POLM: variants seen among roughly 807,000 people sequenced by gnomAD.
POLM encodes the protein DNA-directed DNA/RNA polymerase mu.
Under a neutral mutation model 56.7 loss-of-function variants are expected in POLM, and 52 were observed. The ratio of observed to expected loss-of-function variants is 0.92; its 90% CI spans 0.73 to 1.15. POLM has a LOEUF of 1.15. Ranked by LOEUF, POLM falls within the 50% of genes most tolerant of loss-of-function variation. The probability of loss-of-function intolerance (pLI) is 0.00; values close to 1 mark genes in which losing one functional copy is unlikely to be tolerated. For missense variants in POLM, 660 were observed against 663.6 expected, an observed-to-expected ratio of 0.99 and a Z score of 0.06; for synonymous variants, 273 against 274.3, an observed-to-expected ratio of 1.00 and a Z score of 0.05.
intron 5 of POLM, 147 bp from the exon 6 acceptor site, chr7:44,076,776 A>C: frequency 1.0e-6 from 1 of 1,001,322 alleles, no homozygotes; most frequent in Non-Finnish European, 1.5e-6. Flanking sequence ...CCACAGGGCA[A>C]GGATTCAAAC....
Position 44,082,440 on chromosome 7 carries a change from G to A in POLM, c.-2C>T, listed in dbSNP as rs753796053. The A allele has an allele frequency of 1.2e-4, 173 of 1,404,068 alleles. No individual in the cohort carries two copies. Among genetic ancestry groups the A allele is most frequent in the Non-Finnish European group, 1.5e-4 (162 of 1,082,044 alleles). 87.0% of individuals were successfully genotyped at this position (1,404,068 alleles called of 1,614,324 possible). A position where few individuals can be genotyped will look rare whatever the true frequency, so the allele number is the denominator to read the frequency against. Reference sequence around the variant, plus strand: ...CGCTCGCCGCCGTTTGGGGAGCATTGGGACGACAGCCTCCAGCAGCGCGGA... The same window carrying A: ...CGCTCGCCGCCGTTTGGGGAGCATTAGGACGACAGCCTCCAGCAGCGCGGA... On this transcript the variant is annotated 5_prime_UTR_variant, in exon 1 of 11. Coordinates refer to ENST00000242248, the MANE Select transcript of POLM (RefSeq NM_013284.4).
chr7:44,080,589 C>T, intron 2 of POLM, 144 bp downstream of exon 2: 1 of 862,002 alleles, frequency 1.2e-6, no homozygotes, highest in Non-Finnish European at 1.9e-6. Flanking sequence ...ATAGGGGGCC[C>T]CTGGTGATCT....
chr7:44,079,439 T>C, intron 4 of POLM, 132 bp downstream of exon 4: 1 of 793,024 alleles, frequency 1.3e-6, no homozygotes, highest in Non-Finnish European at 2.0e-6. Flanking sequence ...GGTGGCTTGT[T>C]GAGGCCTTGG....
rs893681241 is a variant in POLM at position 44,072,574 on chromosome 7, T to C, written c.*717A>G. On this transcript the variant is annotated 3_prime_UTR_variant, in exon 11 of 11. Coordinates refer to ENST00000242248, the MANE Select transcript of POLM (RefSeq NM_013284.4). ...GGAGAGATGCCAGAGCCAGGGGCTATGTGTGGACTTAGGGTTTGGAACCAT... is the reference window on the plus strand; with the variant it reads ...GGAGAGATGCCAGAGCCAGGGGCTACGTGTGGACTTAGGGTTTGGAACCAT... 1 of 152,530 alleles carries C rather than the reference T, an allele frequency of 6.6e-6. No homozygotes were observed. Among genetic ancestry groups the C allele is most frequent in the African/African-American group, 2.4e-5 (1 of 41,458 alleles). 9.4% of individuals were successfully genotyped at this position (152,530 alleles called of 1,614,324 possible).
chr7:44,081,327 A>G (rs550445551), intron 1 of POLM, among the ~76,000 whole-genome samples: 1 of 152,292 alleles, frequency 6.6e-6, no homozygotes, highest in Admixed American at 6.5e-5. Context: ...ACGTGTCTAT[A>G]CTTTGATTTC....
rs367575554 is a variant in POLM at position 44,082,246 on chromosome 7, C to G, written c.188+5G>C. 237 of 1,456,506 alleles carry G rather than the reference C, an allele frequency of 1.6e-4. 1 individual carries two copies. In the African/African-American group the frequency reaches 2.7e-3, roughly 17 times the overall value. The allele number at this position is 1,456,506 out of a possible 1,614,324, so 90.2% of individuals were successfully genotyped here. ...AAGCCCTCGCCGCGCCGCGCCGCCC[C>G]GCACCTGCAGGCGTCAAGGACGCGG... On this transcript the variant is annotated splice_donor_5th_base_variant and intron_variant, in intron 1 of 10. Coordinates refer to ENST00000242248, the MANE Select transcript of POLM (RefSeq NM_013284.4).
Position 44,082,400 on chromosome 7 carries a change from A to T in POLM, c.39T>A (p.Pro13=). The change falls in exon 1 of 11, where the codon CCT becomes CCA. Residue 13 remains proline, a synonymous_variant. Transcript: ENST00000242248. ...GCGTGGAGGAAGCGGCATCGCCGCTAGGGGACCCGACCCGCGCTCGCCGCC... is the reference window on the plus strand; with the variant it reads ...GCGTGGAGGAAGCGGCATCGCCGCTTGGGGACCCGACCCGCGCTCGCCGCC... ...PKRRRARVGS[P]SGDAASSTPP... is the part of the protein sequence containing the mutation. The T allele has an allele frequency of 2.7e-6, 4 of 1,497,702 alleles. 1 individual carries two copies. The highest frequency in any genetic ancestry group is 3.5e-6 in the Non-Finnish European group (4 of 1,133,388). The allele number at this position is 1,497,702 out of a possible 1,614,324, so 92.8% of individuals were successfully genotyped here.
chr7:44,081,892 C>CCCG (rs1013124818), intron 1 of POLM, among the ~76,000 whole-genome samples: 2 of 152,002 alleles, frequency 1.3e-5, no homozygotes, highest in African/African-American at 4.8e-5. Flanking sequence ...ACTACAGGTG[C>CCCG]CCGCCACCAC....
At chr7:44,079,441 A>T in intron 4 of POLM, 130 bp downstream of exon 4, 1 of 798,050 alleles carries the variant, frequency 1.3e-6, no homozygotes, top group Non-Finnish European at 2.0e-6. Context: ...TGGCTTGTTG[A>T]GGCCTTGGAG....
At position 44,082,516 on chromosome 7, in the gene POLM, C is replaced by G; in HGVS notation, c.-78G>C. 1 of 93,558 alleles carries G rather than the reference C, an allele frequency of 1.1e-5. No individual in the cohort carries two copies. The highest frequency in any genetic ancestry group is 2.0e-5 in the Non-Finnish European group (1 of 51,104). The allele number at this position is 93,558 out of a possible 1,614,324, so 5.8% of individuals were successfully genotyped here. ...GAGACGGAAGGAAGCCCCAGTGAGGCTGACGGAAGCGGGTGGGCGGGCGGG... is the reference window on the plus strand; with the variant it reads ...GAGACGGAAGGAAGCCCCAGTGAGGGTGACGGAAGCGGGTGGGCGGGCGGG... On this transcript the variant is annotated 5_prime_UTR_variant, in exon 1 of 11. Transcript: ENST00000242248.
At position 44,073,350 on chromosome 7, in the gene POLM, C is replaced by T; in HGVS notation, c.1426G>A (p.Glu476Lys). ...AGGCCCAGGTGTCTGAAGATGTCTT[C>T]CTCTGAAGCCGCTTGGAAAAATGTC... ...QKTFFQAASE[E>K]DIFRHLGLEY... Residue 476 changes from glutamate (E) to lysine (K), a missense_variant, in exon 11 of 11, where the codon GAA becomes AAA. Physicochemically the swap from Glu to Lys is moderately conservative, Grantham distance 56. Transcript: ENST00000242248. 1.9e-6 allele frequency: 3 copies of T among 1,614,160 alleles called. No homozygotes were observed. Among genetic ancestry groups the T allele is most frequent in the Non-Finnish European group, 1.7e-6 (2 of 1,180,008 alleles).
chr7:44,080,259 CG>C (rs1347406289), intron 2 of POLM: 6 of 521,246 alleles, frequency 1.2e-5, no homozygotes, highest in Non-Finnish European at 2.1e-5. Flanking sequence ...CACAACCAAG[CG>C]GGCTGGGGAT....
rs969453115 is a variant in POLM at position 44,072,065 on chromosome 7, G to A, written c.*1226C>T. ...GGCTGTGGGGAGAGGCCAGTCCAAA[G>A]GTTAAATATAGTTTGGTTCTATTTA... On this transcript the variant is annotated 3_prime_UTR_variant, in exon 11 of 11. Coordinates refer to ENST00000242248, the MANE Select transcript of POLM (RefSeq NM_013284.4). Among the ~76,000 whole-genome samples the A allele has an allele frequency of 1.3e-5, 2 of 152,168 alleles. No individual in the cohort carries two copies. The highest frequency in any genetic ancestry group is 4.8e-5 in the African/African-American group (2 of 41,426).
rs2096170638 is a variant in POLM at position 44,072,254 on chromosome 7, C to T, written c.*1037G>A. 1 of 152,194 alleles carries T rather than the reference C, an allele frequency of 6.6e-6. No homozygotes were observed. Among genetic ancestry groups the T allele is most frequent in the African/African-American group, 2.4e-5 (1 of 41,440 alleles). 9.4% of individuals were successfully genotyped at this position (152,194 alleles called of 1,614,324 possible). A position where few individuals can be genotyped will look rare whatever the true frequency, so the allele number is the denominator to read the frequency against. ...TGCACCCCAAGAGTCAACTTTACTG[C>T]ATGTTTTCAAAATATTTTTTAATGT... On this transcript the variant is annotated 3_prime_UTR_variant, in exon 11 of 11. Coordinates refer to ENST00000242248, the MANE Select transcript of POLM (RefSeq NM_013284.4).
At position 44,073,092 on chromosome 7, in the gene POLM, T is replaced by C; in HGVS notation, c.*199A>G. ...CAGTGATGAGGCTGGCACTGAGGGCTCCCACCTCATCACACCCTGCAGCAC... is the reference window on the plus strand; with the variant it reads ...CAGTGATGAGGCTGGCACTGAGGGCCCCCACCTCATCACACCCTGCAGCAC... On this transcript the variant is annotated 3_prime_UTR_variant, in exon 11 of 11. Coordinates refer to ENST00000242248, the MANE Select transcript of POLM (RefSeq NM_013284.4). 6.9e-7 allele frequency: 1 copy of C among 1,458,960 alleles called. No individual in the cohort carries two copies. The highest frequency in any genetic ancestry group is 1.4e-5 in the African/African-American group (1 of 70,314). 90.4% of individuals were successfully genotyped at this position (1,458,960 alleles called of 1,614,324 possible).
Position 44,073,810 on chromosome 7 carries a change from G to A in POLM, c.1287C>T (p.Phe429=), listed in dbSNP as rs370681731. The A allele has an allele frequency of 4.1e-5, 66 of 1,614,210 alleles. No homozygotes were observed. Among genetic ancestry groups the A allele is most frequent in the African/African-American group, 1.3e-4 (10 of 75,060 alleles). The change falls in exon 9 of 11, where the codon TTC becomes TTT. Residue 429 remains phenylalanine (F), a synonymous_variant. Coordinates refer to ENST00000242248, the MANE Select transcript of POLM (RefSeq NM_013284.4). ...LVVAPVSQFP[F]ALLGWTGSKL... is the part of the protein sequence containing the mutation. ...TGGAGCCAGTCCAACCGAGCAGGGC[G>A]AAAGGGAACTGGCTGACGGGTGCAA...
Position 44,072,244 on chromosome 7 carries a change from A to G in POLM, c.*1047T>C, listed in dbSNP as rs1427003932. 6.6e-6 allele frequency: 1 copy of G among 152,204 alleles called. No homozygotes were observed. The highest frequency in any genetic ancestry group is 1.5e-5 in the Non-Finnish European group (1 of 68,032). The allele number at this position is 152,204 out of a possible 1,614,324, so 9.4% of individuals were successfully genotyped here. A position where few individuals can be genotyped will look rare whatever the true frequency, so the allele number is the denominator to read the frequency against. ...GTGCAAAAACTGCACCCCAAGAGTC[A>G]ACTTTACTGCATGTTTTCAAAATAT... On this transcript the variant is annotated 3_prime_UTR_variant, in exon 11 of 11. Transcript: ENST00000242248.
intron 2 of POLM, chr7:44,080,322 G>A (rs2096196096): frequency 3.7e-6 from 2 of 542,026 alleles, no homozygotes; most frequent in Admixed American, 2.2e-5. Flanking sequence ...CTCACAGGCT[G>A]GGCCAGGATT....
intron 9 of POLM, 23 bp downstream of exon 9, chr7:44,073,739 TGGCCCAGCCCCACCCCCAGGC>T: frequency 6.2e-7 from 1 of 1,614,108 alleles, no homozygotes; most frequent in Non-Finnish European, 8.5e-7. Flanking sequence ...TCAGCAGGGC[TGGCCCAGCCCCACCCCCAGGC>T]GGCCCAGCGG....
Sources: gnomAD v4.1 joint callset for allele counts (sites outside exome capture counted in the v4.1 genomes callset) on GRCh38, gnomAD v4.1.1 for gene constraint, MANE v1.5 for transcripts, NCBI Gene and HGNC (gene_info 2026-07-23, HGNC 2026-07-21) for gene names.